MEGF11: variants seen among roughly 807,000 people sequenced by gnomAD.
MEGF11 encodes the protein multiple epidermal growth factor-like domains protein 11.
A neutral mutation model predicts 146.6 loss-of-function variants in MEGF11; 126 were observed. The observed-to-expected ratio is 0.86, with a 90% confidence interval of 0.74 to 1.00. The LOEUF (loss-of-function observed/expected upper bound fraction) is 1.00. Ranked by LOEUF, MEGF11 falls within the 50% of genes least tolerant of loss-of-function variation. The pLI, the probability that MEGF11 is intolerant of heterozygous loss-of-function variation, is 0.00. For missense variants in MEGF11, 1,509 were observed against 1,521.2 expected (o/e 0.99, Z 0.13); for synonymous variants, 532 against 583.4 (o/e 0.91, Z 1.27).
At chr15:66,239,467 G>A (rs751668959) in intron 1 of MEGF11, among the ~76,000 whole-genome samples, 8 of 152,332 alleles carry the variant, frequency 5.3e-5, no homozygotes, top group Admixed American at 2.6e-4. Flanking sequence ...GGCCCCAGTC[G>A]TGAATTGATT....
In MEGF11 at chr15:65,909,813, G is replaced by A; in HGVS notation, c.2830-7C>T. ...CAAGGGACTTGTTACTGAGCTGTTT[G>A]GAGAGTAGGAGAGCCAGTTAATATC... On this transcript the variant is annotated splice_region_variant and splice_polypyrimidine_tract_variant and intron_variant, in intron 21 of 25. Transcript: ENST00000395614. 1 of 1,564,266 alleles carries A rather than the reference G, an allele frequency of 6.4e-7. No homozygotes were observed. Among genetic ancestry groups the A allele is most frequent in the Non-Finnish European group, 8.6e-7 (1 of 1,162,478 alleles).
intron 1 of MEGF11, among the ~76,000 whole-genome samples, chr15:66,204,082 A>C (rs1157544691): frequency 2.9e-5 from 4 of 138,622 alleles, no homozygotes; most frequent in African/African-American, 1.1e-4. Flanking sequence ...ATCTCTATTA[A>C]AGGGGGAAAA....
intron 24 of MEGF11, among the ~76,000 whole-genome samples, chr15:65,900,012 G>T (rs2078455895): frequency 6.6e-6 from 1 of 152,116 alleles, no homozygotes; most frequent in African/African-American, 2.4e-5. Context: ...ACCATTCTCT[G>T]TTTGGGGAAG....
intron 1 of MEGF11, among the ~76,000 whole-genome samples, chr15:66,251,404 T>C (rs984027601): frequency 1.3e-5 from 2 of 152,148 alleles, no homozygotes; most frequent in Non-Finnish European, 2.9e-5. Context: ...TACAAAACAA[T>C]GGCTCCTCTT....
At chr15:66,204,347 G>T (rs891128089) in intron 1 of MEGF11, among the ~76,000 whole-genome samples, 2 of 152,178 alleles carry the variant, frequency 1.3e-5, no homozygotes, top group African/African-American at 4.8e-5. Context: ...AGAGGTTTCA[G>T]TGGGCCGAGA....
chr15:66,019,219 G>A (rs1162791410), intron 5 of MEGF11, among the ~76,000 whole-genome samples: 1 of 152,148 alleles, frequency 6.6e-6, no homozygotes, highest in African/African-American at 2.4e-5. Flanking sequence ...TGGGCCCTCA[G>A]TCCTCCCAGA....
intron 5 of MEGF11, among the ~76,000 whole-genome samples, chr15:66,055,366 T>C (rs905945789): frequency 5.9e-5 from 9 of 152,248 alleles, no homozygotes; most frequent in African/African-American, 2.2e-4. Context: ...TGCTCACCCA[T>C]TTTACACTGT....
At position 65,907,325 on chromosome 15, in the gene MEGF11, C is replaced by T. The variant is rs28642373; in HGVS notation, c.2999-1184G>A. On this transcript the variant is annotated intron_variant, in intron 23 of 25. Coordinates refer to ENST00000395614, the MANE Select transcript of MEGF11 (RefSeq NM_001385028.1). The stretch of plus-strand genomic sequence containing the variant: ...TTTCTTTTTTTTTGAGATGGAGTCT[C>T]GCTGTGTCACCCAGGCTGGAGTGCA... Among the ~76,000 whole-genome samples, 1,446 of 151,926 alleles carry T rather than the reference C, an allele frequency of 9.5e-3. 24 individuals carry two copies. The highest frequency in any genetic ancestry group is 0.032 in the African/African-American group (1,345 of 41,402).
At chr15:65,920,635 AG>A (rs917445766) in intron 15 of MEGF11, among the ~76,000 whole-genome samples, 1 of 152,240 alleles carries the variant, frequency 6.6e-6, no homozygotes, top group African/African-American at 2.4e-5. Flanking sequence ...AGGCAAAGAG[AG>A]GGGCAGTGGA....
intron 5 of MEGF11, among the ~76,000 whole-genome samples, chr15:66,041,564 C>G (rs1262123780): frequency 2.0e-5 from 3 of 152,200 alleles, no homozygotes; most frequent in South Asian, 2.1e-4. Context: ...TCAAACCCTG[C>G]CTGCCATTTG....
At chr15:66,064,053 G>A (rs142646281) in intron 5 of MEGF11, among the ~76,000 whole-genome samples, 330 of 152,270 alleles carry the variant, frequency 2.2e-3, no homozygotes, top group African/African-American at 7.5e-3. Flanking sequence ...CACCTAGCAC[G>A]TTGATGAAAC....
At chr15:66,205,390 G>A (rs1199946971) in intron 1 of MEGF11, among the ~76,000 whole-genome samples, 1 of 152,152 alleles carries the variant, frequency 6.6e-6, no homozygotes, top group African/African-American at 2.4e-5. Flanking sequence ...GTTACAATGA[G>A]CTATAATTGC....
chr15:66,235,451 A>G (rs2092068119), intron 1 of MEGF11, among the ~76,000 whole-genome samples: 1 of 151,842 alleles, frequency 6.6e-6, no homozygotes, highest in African/African-American at 2.4e-5. Context: ...GCAGTGAGCC[A>G]TGATGGTATC....
chr15:66,226,211 C>G (rs191722322), intron 1 of MEGF11, among the ~76,000 whole-genome samples: 2 of 152,082 alleles, frequency 1.3e-5, no homozygotes, highest in Non-Finnish European at 1.5e-5. Context: ...GATCGACTGT[C>G]GGTGGTATCT....
rs1474041037 is a variant in MEGF11 at position 66,094,389 on chromosome 15, AC to A, written c.394+12del. On this transcript the variant is annotated intron_variant, in intron 5 of 25. Transcript: ENST00000395614. ...AGCCAGGGTGCCTCCTGACCCCCAA[AC>A]CCCAGACTCACCGCTGGAGCAGTCG... 6.4e-7 allele frequency: 1 copy of A among 1,551,206 alleles called. No homozygotes were observed. The highest frequency in any genetic ancestry group is 2.0e-5 in the Admixed American group (1 of 51,066).
intron 1 of MEGF11, among the ~76,000 whole-genome samples, chr15:66,188,244 T>C (rs1470061175): frequency 1.3e-5 from 2 of 152,058 alleles, no homozygotes; most frequent in East Asian, 3.8e-4. Context: ...TATATATATA[T>C]GAGAGAGAGA....
intron 2 of MEGF11, among the ~76,000 whole-genome samples, chr15:66,125,816 T>G (rs952354866): frequency 3.3e-5 from 5 of 152,180 alleles, no homozygotes; most frequent in Admixed American, 1.3e-4. Flanking sequence ...CCACCTTTGT[T>G]AAGCACTTTG....
chr15:66,234,116 C>G (rs1451647944), intron 1 of MEGF11, among the ~76,000 whole-genome samples: 3 of 152,008 alleles, frequency 2.0e-5, no homozygotes, highest in African/African-American at 7.3e-5. Context: ...CCAGGCTGGT[C>G]TCAAACTCCT....
chr15:65,946,887 C>G (rs2080214220), intron 10 of MEGF11, among the ~76,000 whole-genome samples: 2 of 152,188 alleles, frequency 1.3e-5, no homozygotes, highest in African/African-American at 4.8e-5. Flanking sequence ...CACTCCCTCC[C>G]TACACCCTCC....
Sources: allele counts gnomAD v4.1 joint callset (sites outside exome capture counted in the v4.1 genomes callset), GRCh38; gene constraint gnomAD v4.1.1; transcripts MANE v1.5; gene names NCBI Gene and HGNC (gene_info 2026-07-23, HGNC 2026-07-21).